MAP3K19: variants seen among roughly 807,000 people sequenced by gnomAD.
MAP3K19 encodes mitogen-activated protein kinase kinase kinase 19, also known as SPS1/STE20-related protein kinase YSK4.
Under a neutral mutation model 114.4 loss-of-function variants are expected in MAP3K19, and 91 were observed. The observed-to-expected ratio is 0.80, with a 90% CI of 0.67 to 0.95. The LOEUF is 0.95. Among genes scored for constraint, MAP3K19 ranks in the 40% least tolerant of loss-of-function variants. MAP3K19 has a pLI of 0.00. For synonymous variants in MAP3K19, 518 were observed against 530.5 expected, an observed-to-expected ratio of 0.98 and a Z score of 0.32; for missense variants, 1,471 against 1,573.2, an observed-to-expected ratio of 0.94 and a Z score of 1.10.
intron 12 of MAP3K19, among the ~76,000 whole-genome samples, chr2:134,965,341 C>T (rs1391262896): frequency 6.6e-6 from 1 of 152,092 alleles, no homozygotes; most frequent in Non-Finnish European, 1.5e-5. Flanking sequence ...GAATTGAAAA[C>T]CTTTTAAAAT....
chr2:134,986,037 G>A lies in MAP3K19; in HGVS notation c.2835C>T (p.Thr945=). ...KSITYQMFGK[T]LSGTNSISQE... ...GGGAAATTGAATTTGTGCCACTTAAGGTTTTTCCAAACATTTGATATGTGA... is the reference window on the plus strand; with the variant it reads ...GGGAAATTGAATTTGTGCCACTTAAAGTTTTTCCAAACATTTGATATGTGA... Residue 945 remains threonine (T), a synonymous_variant, in exon 10 of 13, where the codon ACC becomes ACT. Transcript: ENST00000392915. 1 of 1,613,470 alleles carries A rather than the reference G, an allele frequency of 6.2e-7. No homozygotes were observed. The highest frequency in any genetic ancestry group is 8.5e-7 in the Non-Finnish European group (1 of 1,179,866).
At chr2:135,039,388 G>C (rs745354625) in intron 2 of MAP3K19, among the ~76,000 whole-genome samples, 8 of 148,182 alleles carry the variant, frequency 5.4e-5, no homozygotes, top group Non-Finnish European at 1.0e-4. Flanking sequence ...TTTGAGACCA[G>C]CCTGGGAAAC....
chr2:135,004,989 A>G (rs1272602054), intron 6 of MAP3K19, among the ~76,000 whole-genome samples: 1 of 152,136 alleles, frequency 6.6e-6, no homozygotes, highest in Non-Finnish European at 1.5e-5. Flanking sequence ...GCTGAGCTGG[A>G]GTGAGGTGGA....
At chr2:135,047,028 T>A (rs1288179308) in intron 1 of MAP3K19, among the ~76,000 whole-genome samples, 157 bp downstream of exon 1, 3 of 152,236 alleles carry the variant, frequency 2.0e-5, no homozygotes, top group Non-Finnish European at 4.4e-5. Flanking sequence ...TAAAAAATAG[T>A]TTATTACAAC....
At chr2:134,990,074 C>A (rs1420566042) in intron 9 of MAP3K19, among the ~76,000 whole-genome samples, 1 of 149,876 alleles carries the variant, frequency 6.7e-6, no homozygotes, top group African/African-American at 2.5e-5. Context: ...CAGAGTGAGA[C>A]TCTGTCTCAA....
chr2:135,020,034 T>C (rs75040536), intron 5 of MAP3K19, among the ~76,000 whole-genome samples: 1 of 152,134 alleles, frequency 6.6e-6, no homozygotes, highest in East Asian at 1.9e-4. Context: ...CTTTTTTTTT[T>C]GAAATGGAGT....
chr2:135,002,108 G>C (rs1362126373), intron 6 of MAP3K19, among the ~76,000 whole-genome samples: 2 of 152,066 alleles, frequency 1.3e-5, no homozygotes, highest in South Asian at 4.2e-4. Flanking sequence ...CATTGTCACA[G>C]GTAAAGACAA....
chr2:135,023,211 C>A, intron 4 of MAP3K19: 1 of 331,060 alleles, frequency 3.0e-6, no homozygotes, highest in Non-Finnish European at 6.0e-6. Flanking sequence ...ATCCTTACCA[C>A]ATCTGCTTTG....
intron 5 of MAP3K19, among the ~76,000 whole-genome samples, chr2:135,010,520 T>C (rs1022482508): frequency 2.0e-5 from 3 of 152,150 alleles, no homozygotes; most frequent in African/African-American, 7.2e-5. Flanking sequence ...CCACGGGAGC[T>C]GATAGATGGA....
chr2:134,969,152 G>T (rs1398949521), intron 12 of MAP3K19, among the ~76,000 whole-genome samples: 1 of 150,888 alleles, frequency 6.6e-6, no homozygotes, highest in Non-Finnish European at 1.5e-5. Context: ...GCTGGAGACC[G>T]GCCCAGCCAA....
chr2:134,975,603 C>A (rs1351632909), intron 12 of MAP3K19, among the ~76,000 whole-genome samples: 1 of 152,034 alleles, frequency 6.6e-6, no homozygotes, highest in Non-Finnish European at 1.5e-5. Context: ...GGGAGCCTGT[C>A]ATTAGGGCAT....
rs7591604 is a variant in MAP3K19, at chr2:134,986,799, A to G, written c.2073T>C (p.Ala691=). 560 of 1,614,150 alleles carry G rather than the reference A, an allele frequency of 3.5e-4. 3 individuals are homozygous for G. In the African/African-American group the frequency reaches 6.5e-3, roughly 19 times the overall value. ...ENTYYREICS[A]PSGRRITNKC... ...TATTGGTGATACGTCTGCCTGATGG[A>G]GCCGAACATATCTCACGGTAATACG... Residue 691 remains alanine, a synonymous_variant, in exon 10 of 13, where the codon GCT becomes GCC. Coordinates refer to ENST00000392915, the MANE Select transcript of MAP3K19 (RefSeq NM_025052.5).
chr2:135,037,909 A>C (rs1688566534), intron 2 of MAP3K19, among the ~76,000 whole-genome samples: 1 of 152,194 alleles, frequency 6.6e-6, no homozygotes, highest in African/African-American at 2.4e-5. Context: ...ATGAATAAAC[A>C]CACTGCCCTT....
At chr2:135,014,135 T>C (rs1687421485) in intron 5 of MAP3K19, among the ~76,000 whole-genome samples, 1 of 152,126 alleles carries the variant, frequency 6.6e-6, no homozygotes, top group African/African-American at 2.4e-5. Context: ...GGCAGATCAC[T>C]TCAGGCCAGG....
chr2:134,993,675 T>TA (rs377303659), intron 8 of MAP3K19, among the ~76,000 whole-genome samples: 5 of 152,366 alleles, frequency 3.3e-5, no homozygotes, highest in African/African-American at 1.2e-4. Context: ...AGTATTCTTA[T>TA]AAATATTTGA....
At chr2:135,046,258 C>T (rs1688739971) in intron 1 of MAP3K19, among the ~76,000 whole-genome samples, 1 of 151,988 alleles carries the variant, frequency 6.6e-6, no homozygotes, top group Non-Finnish European at 1.5e-5. Flanking sequence ...CTCAATTTTC[C>T]ATTTAGAATT....
chr2:134,983,868 T>C, intron 10 of MAP3K19, 43 bp from the exon 11 acceptor site: 1 of 1,402,270 alleles, frequency 7.1e-7, no homozygotes, highest in Non-Finnish European at 9.6e-7. Context: ...TTAAACCAAG[T>C]CACTGGGATG....
intron 5 of MAP3K19, among the ~76,000 whole-genome samples, chr2:135,012,071 G>A (rs1214398939): frequency 6.6e-6 from 1 of 152,046 alleles, no homozygotes; most frequent in Non-Finnish European, 1.5e-5. Flanking sequence ...ATTTTATTTT[G>A]ATTACTATAT....
chr2:134,971,375 TTTC>T (rs1426959541), intron 12 of MAP3K19, among the ~76,000 whole-genome samples: 2 of 152,198 alleles, frequency 1.3e-5, no homozygotes, highest in African/African-American at 4.8e-5. Flanking sequence ...GGCCTATAGT[TTTC>T]TTTTTTTGTG....
Sources: allele counts gnomAD v4.1 joint callset (sites outside exome capture counted in the v4.1 genomes callset), GRCh38; gene constraint gnomAD v4.1.1; transcripts MANE v1.5; gene names NCBI Gene and HGNC (gene_info 2026-07-23, HGNC 2026-07-21).